The following LRRC4C variants were observed in gnomAD, a reference collection of about 807,000 sequenced individuals.
The protein encoded by LRRC4C is leucine rich repeat containing 4C.
Under a neutral mutation model 33.6 loss-of-function variants are expected in LRRC4C, and 5 were observed. That is an observed-to-expected ratio of 0.15 (90% CI 0.08 to 0.31). The LOEUF (loss-of-function observed/expected upper bound fraction) is 0.31, where lower values mean the gene tolerates loss of function less well. Among genes scored for constraint, LRRC4C ranks in the 10% least tolerant of loss-of-function variants. The pLI is 1.00. For missense variants in LRRC4C, 560 were observed against 796.7 expected (o/e 0.70, Z 3.58); for synonymous variants, 329 against 302.0 (o/e 1.09, Z -0.93).
intron 1 of LRRC4C, among the ~76,000 whole-genome samples, chr11:41,093,949 AAC>A (rs1555071920): frequency 6.7e-6 from 1 of 149,224 alleles, no homozygotes; most frequent in African/African-American, 2.5e-5. Flanking sequence ...AAAAAAAAAA[AAC>A]ACACAAAAAT....
chr11:40,635,378 A>T (rs1238727251), intron 3 of LRRC4C, among the ~76,000 whole-genome samples: 1 of 152,084 alleles, frequency 6.6e-6, no homozygotes, highest in Non-Finnish European at 1.5e-5. Context: ...TTTCTCAGCC[A>T]CTCTAGAGAT....
At chr11:40,678,178 C>T (rs1944502164) in intron 2 of LRRC4C, among the ~76,000 whole-genome samples, 2 of 150,392 alleles carry the variant, frequency 1.3e-5, no homozygotes, top group African/African-American at 2.4e-5. Flanking sequence ...GGTATAAGTA[C>T]TGGTTTGTTA....
At chr11:40,453,483 C>T (rs1951987639) in intron 3 of LRRC4C, among the ~76,000 whole-genome samples, 1 of 151,830 alleles carries the variant, frequency 6.6e-6, no homozygotes. Context: ...ATAATTAATA[C>T]CAATTCTTAT....
At chr11:40,712,766 T>C (rs1946529413) in intron 2 of LRRC4C, among the ~76,000 whole-genome samples, 1 of 152,146 alleles carries the variant, frequency 6.6e-6, no homozygotes, top group Non-Finnish European at 1.5e-5. Context: ...GAATAATATA[T>C]ATTGTAATTA....
chr11:40,630,120 A>T (rs941985431), intron 3 of LRRC4C, among the ~76,000 whole-genome samples: 1 of 152,102 alleles, frequency 6.6e-6, no homozygotes, highest in Admixed American at 6.5e-5. Context: ...GACTTTGTGA[A>T]TTTTCTGATG....
At chr11:40,909,620 G>C (rs1173784922) in intron 2 of LRRC4C, among the ~76,000 whole-genome samples, 1 of 151,976 alleles carries the variant, frequency 6.6e-6, no homozygotes, top group African/African-American at 2.4e-5. Context: ...TTTTCAATGA[G>C]TTATTATCTT....
chr11:40,774,731 C>T (rs1017695395), intron 2 of LRRC4C, among the ~76,000 whole-genome samples: 1 of 151,936 alleles, frequency 6.6e-6, no homozygotes, highest in East Asian at 1.9e-4. Context: ...ATTTAAAAGA[C>T]TATTGATGTG....
At chr11:40,180,257 A>G (rs1289204109) in intron 5 of LRRC4C, among the ~76,000 whole-genome samples, 2 of 152,276 alleles carry the variant, frequency 1.3e-5, no homozygotes, top group Non-Finnish European at 2.9e-5. Flanking sequence ...CATGTATCGT[A>G]ACACAAAGCT....
intron 4 of LRRC4C, among the ~76,000 whole-genome samples, chr11:40,313,748 C>T (rs1028485070): frequency 2.0e-5 from 3 of 149,766 alleles, no homozygotes; most frequent in African/African-American, 7.4e-5. Flanking sequence ...GCTGGGACTA[C>T]AGGCGCCCGC....
chr11:41,256,704 T>C (rs1216422294), intron 1 of LRRC4C, among the ~76,000 whole-genome samples: 2 of 152,032 alleles, frequency 1.3e-5, no homozygotes, highest in Admixed American at 1.3e-4. Context: ...ATGCGTGTTG[T>C]CTTACATTGA....
intron 1 of LRRC4C, among the ~76,000 whole-genome samples, chr11:41,202,532 G>C (rs920007013): frequency 5.3e-5 from 8 of 151,928 alleles, no homozygotes; most frequent in African/African-American, 1.9e-4. Flanking sequence ...CTTTACATGA[G>C]CCCTAAAATA....
intron 5 of LRRC4C, among the ~76,000 whole-genome samples, chr11:40,146,986 G>C (rs1445363192): frequency 6.6e-6 from 1 of 152,166 alleles, no homozygotes; most frequent in Non-Finnish European, 1.5e-5. Context: ...CTCAAAGTGG[G>C]CCCTTTTGGG....
chr11:41,279,381 AACACACACACACACACAC>A (rs575973002), intron 1 of LRRC4C, among the ~76,000 whole-genome samples: 69 of 126,458 alleles, frequency 5.5e-4, no homozygotes, highest in East Asian at 2.0e-3. Context: ...CACACACACA[AACACACACACACACACAC>A]ACACACACAC....
intron 2 of LRRC4C, among the ~76,000 whole-genome samples, chr11:40,811,598 AG>A (rs1951492576): frequency 6.6e-6 from 1 of 152,104 alleles, no homozygotes; most frequent in South Asian, 2.1e-4. Context: ...CCTGGATTCA[AG>A]CAATTCTCCT....
chr11:40,135,572 A>G (rs1384237415), intron 6 of LRRC4C, among the ~76,000 whole-genome samples: 1 of 152,234 alleles, frequency 6.6e-6, no homozygotes, highest in Non-Finnish European at 1.5e-5. Flanking sequence ...ATAATGGGAT[A>G]AGAAAGTAGG....
At chr11:40,296,145 C>A (rs1274040623) in intron 4 of LRRC4C, among the ~76,000 whole-genome samples, 2 of 152,142 alleles carry the variant, frequency 1.3e-5, no homozygotes, top group East Asian at 3.9e-4. Flanking sequence ...GCAGCAGGGA[C>A]AGGTAAGTGC....
chr11:41,370,450 T>C (rs1420060417), intron 1 of LRRC4C, among the ~76,000 whole-genome samples: 1 of 152,048 alleles, frequency 6.6e-6, no homozygotes, highest in Non-Finnish European at 1.5e-5. Flanking sequence ...ATTTGAATCA[T>C]GGGGGCGGCT....
At chr11:40,452,433 C>T (rs1329479858) in intron 3 of LRRC4C, among the ~76,000 whole-genome samples, 3 of 152,162 alleles carry the variant, frequency 2.0e-5, no homozygotes, top group African/African-American at 4.8e-5. Flanking sequence ...TGAATAAATG[C>T]TCATCATCAC....
At chr11:40,207,975 G>A (rs952380566) in intron 5 of LRRC4C, among the ~76,000 whole-genome samples, 1 of 152,038 alleles carries the variant, frequency 6.6e-6, no homozygotes, top group African/African-American at 2.4e-5. Context: ...ACTGCTTCCT[G>A]CCTCTTCATT....
Sources: gnomAD v4.1 joint callset for allele counts (sites outside exome capture counted in the v4.1 genomes callset) on GRCh38, gnomAD v4.1.1 for gene constraint, MANE v1.5 for transcripts, NCBI Gene and HGNC (gene_info 2026-07-23, HGNC 2026-07-21) for gene names.